Variants in B3GALT1 observed in about 807,000 individuals in gnomAD.
B3GALT1 encodes UDP-Gal:betaGlcNAc beta 1,3-galactosyltransferase, polypeptide 1.
Under a neutral mutation model 23.2 loss-of-function variants are expected in B3GALT1, and 10 were observed. The observed-to-expected ratio is 0.43, with a 90% CI of 0.27 to 0.73. The LOEUF (loss-of-function observed/expected upper bound fraction) is 0.73. B3GALT1 is among the 30% of genes least tolerant of loss of function. B3GALT1 has a pLI of 0.21. For missense variants in B3GALT1, 299 were observed against 405.4 expected, an observed-to-expected ratio of 0.74 and a Z score of 2.25; for synonymous variants, 156 against 141.5, an observed-to-expected ratio of 1.10 and a Z score of -0.73.
intron 3 of B3GALT1, among the ~76,000 whole-genome samples, chr2:167,674,961 G>C (rs1248140086): frequency 2.0e-5 from 3 of 152,140 alleles, no homozygotes; most frequent in Non-Finnish European, 4.4e-5. Context: ...TGGGTTTCAA[G>C]ACAAGCAGCC....
chr2:167,864,574 T>TA (rs775576342), intron 4 of B3GALT1, among the ~76,000 whole-genome samples: 2 of 152,014 alleles, frequency 1.3e-5, no homozygotes, highest in Non-Finnish European at 2.9e-5. Context: ...AACTTGTTAA[T>TA]AAAAAATAAA....
chr2:167,312,672 TA>T (rs1350200790), intron 1 of B3GALT1, among the ~76,000 whole-genome samples: 1 of 152,112 alleles, frequency 6.6e-6, no homozygotes, highest in Admixed American at 6.6e-5. Flanking sequence ...GATTGCATTT[TA>T]AAAATTAAAC....
intron 3 of B3GALT1, among the ~76,000 whole-genome samples, chr2:167,803,121 C>CAA (rs10522658): frequency 7.0e-6 from 1 of 142,426 alleles, no homozygotes; most frequent in Non-Finnish European, 1.5e-5. Flanking sequence ...CACACACACA[C>CAA]CCCTTGGTTG....
intron 1 of B3GALT1, among the ~76,000 whole-genome samples, chr2:167,308,664 A>G (rs1262508684): frequency 6.6e-6 from 1 of 151,952 alleles, no homozygotes. Context: ...CATTTCTTCT[A>G]AGATTTTTTT....
At chr2:167,518,941 G>T (rs572389654) in intron 2 of B3GALT1, among the ~76,000 whole-genome samples, 1 of 152,134 alleles carries the variant, frequency 6.6e-6, no homozygotes, top group African/African-American at 2.4e-5. Flanking sequence ...TTAGTCTTAC[G>T]TGGAAGAAAA....
intron 3 of B3GALT1, among the ~76,000 whole-genome samples, chr2:167,735,602 A>G (rs1269370272): frequency 6.6e-6 from 1 of 152,232 alleles, no homozygotes; most frequent in Non-Finnish European, 1.5e-5. Flanking sequence ...TTCTGCATAT[A>G]TTCCTACAGA....
At chr2:167,310,304 T>C (rs571609994) in intron 1 of B3GALT1, among the ~76,000 whole-genome samples, 106 of 152,142 alleles carry the variant, frequency 7.0e-4, no homozygotes, top group African/African-American at 2.5e-3. Flanking sequence ...TATTTACGTT[T>C]GAGAGAGAGG....
At chr2:167,383,199 T>G (rs1031366458) in intron 1 of B3GALT1, among the ~76,000 whole-genome samples, 4 of 152,124 alleles carry the variant, frequency 2.6e-5, no homozygotes, top group Non-Finnish European at 5.9e-5. Context: ...GTGCCTTTTT[T>G]TTTTTTTAAT....
chr2:167,343,859 A>G (rs1405809382), intron 1 of B3GALT1, among the ~76,000 whole-genome samples: 1 of 152,142 alleles, frequency 6.6e-6, no homozygotes, highest in Non-Finnish European at 1.5e-5. Context: ...GGAAGAAGCT[A>G]AAAGGCAAAA....
intron 1 of B3GALT1, among the ~76,000 whole-genome samples, chr2:167,444,856 T>C (rs927955508): frequency 2.6e-5 from 4 of 152,346 alleles, no homozygotes; most frequent in South Asian, 2.1e-4. Context: ...TTTTTGTGTC[T>C]GTATCTCCTT....
chr2:167,566,616 T>A (rs1436869781), intron 2 of B3GALT1, among the ~76,000 whole-genome samples: 1 of 151,992 alleles, frequency 6.6e-6, no homozygotes, highest in African/African-American at 2.4e-5. Flanking sequence ...GACGTGAGGT[T>A]TAGTGAAGTT....
intron 1 of B3GALT1, among the ~76,000 whole-genome samples, chr2:167,463,717 A>G (rs1235514913): frequency 6.6e-6 from 1 of 152,210 alleles, no homozygotes; most frequent in Non-Finnish European, 1.5e-5. Flanking sequence ...GTACTCCAGG[A>G]GTAGCCAAGT....
intron 1 of B3GALT1, among the ~76,000 whole-genome samples, chr2:167,486,434 C>T (rs1699628052): frequency 6.6e-6 from 1 of 151,874 alleles, no homozygotes; most frequent in East Asian, 1.9e-4. Context: ...TTTAAAGTAC[C>T]GTATTTAGGC....
intron 2 of B3GALT1, among the ~76,000 whole-genome samples, chr2:167,612,497 A>G (rs1338308638): frequency 6.6e-6 from 1 of 151,758 alleles, no homozygotes; most frequent in Non-Finnish European, 1.5e-5. Flanking sequence ...GTAATCCTGT[A>G]TGTTGTAATT....
At chr2:167,677,763 TA>T (rs1235398497) in intron 3 of B3GALT1, among the ~76,000 whole-genome samples, 1 of 152,178 alleles carries the variant, frequency 6.6e-6, no homozygotes, top group African/African-American at 2.4e-5. Flanking sequence ...CGGTAATTTA[TA>T]AAGGAAAGAG....
intron 3 of B3GALT1, among the ~76,000 whole-genome samples, chr2:167,650,967 A>G (rs1685852745): frequency 6.6e-6 from 1 of 152,136 alleles, no homozygotes; most frequent in African/African-American, 2.4e-5. Flanking sequence ...AATGCTCCTT[A>G]ATTATGTGTT....
intron 2 of B3GALT1, among the ~76,000 whole-genome samples, chr2:167,571,677 C>G (rs925305953): frequency 5.9e-5 from 9 of 151,812 alleles, no homozygotes; most frequent in Admixed American, 2.0e-4. Flanking sequence ...CCTGGACTTT[C>G]CAAAGGTCAA....
intron 3 of B3GALT1, among the ~76,000 whole-genome samples, chr2:167,816,163 G>A (rs79959543): frequency 0.012 from 1,869 of 152,124 alleles, 44 homozygotes; most frequent in African/African-American, 0.043. Context: ...TTATCTCTTA[G>A]GATAATGTTC....
chr2:167,542,910 A>C (rs1219451685), intron 2 of B3GALT1, among the ~76,000 whole-genome samples: 1 of 152,112 alleles, frequency 6.6e-6, no homozygotes, highest in Non-Finnish European at 1.5e-5. Context: ...AAGTTAAAAA[A>C]GTACTCCAGA....
Sources: gnomAD v4.1 joint callset for allele counts (sites outside exome capture counted in the v4.1 genomes callset) on GRCh38, gnomAD v4.1.1 for gene constraint, MANE v1.5 for transcripts, NCBI Gene and HGNC (gene_info 2026-07-23, HGNC 2026-07-21) for gene names.